Variants in EIF4G3 observed in about 807,000 individuals in gnomAD.
The protein encoded by EIF4G3 is eIF-4-gamma 3.
In EIF4G3, 34 loss-of-function variants were observed where a neutral mutation model predicts 186.4. The ratio of observed to expected loss-of-function variants is 0.18; its 90% CI spans 0.14 to 0.24. EIF4G3 has a LOEUF of 0.24. Among genes scored for constraint, EIF4G3 ranks in the 10% least tolerant of loss-of-function variants. The probability of loss-of-function intolerance (pLI) is 1.00; values close to 1 mark genes in which losing one functional copy is unlikely to be tolerated. For synonymous variants in EIF4G3, 673 were observed against 679.5 expected, an observed-to-expected ratio of 0.99 and a Z score of 0.15; for missense variants, 1,536 against 1,948.5, an observed-to-expected ratio of 0.79 and a Z score of 3.99.
At chr1:21,051,880 T>A (rs945799396) in intron 3 of EIF4G3, among the ~76,000 whole-genome samples, 2 of 152,000 alleles carry the variant, frequency 1.3e-5, no homozygotes, top group African/African-American at 2.4e-5. Context: ...TACAAAAAAA[T>A]TTTTAAAAAG....
intron 3 of EIF4G3, among the ~76,000 whole-genome samples, chr1:21,074,811 C>T (rs2095537204): frequency 6.6e-6 from 1 of 152,140 alleles, no homozygotes; most frequent in African/African-American, 2.4e-5. Context: ...TGGCTCATGC[C>T]TTTAATCCTA....
intron 4 of EIF4G3, among the ~76,000 whole-genome samples, chr1:21,025,290 A>G (rs2091898026): frequency 6.6e-6 from 1 of 152,214 alleles, no homozygotes; most frequent in Non-Finnish European, 1.5e-5. Flanking sequence ...GATGTTGAAC[A>G]GGGCAGAAAT....
chr1:21,092,362 G>A (rs565623477), intron 2 of EIF4G3, among the ~76,000 whole-genome samples: 14 of 152,242 alleles, frequency 9.2e-5, no homozygotes, highest in African/African-American at 3.4e-4. Flanking sequence ...CTGTGGATAA[G>A]CTTTTTGATG....
At chr1:20,815,600 G>A (rs1376771533) in intron 34 of EIF4G3, among the ~76,000 whole-genome samples, 2 of 151,782 alleles carry the variant, frequency 1.3e-5, no homozygotes, top group Non-Finnish European at 2.9e-5. Flanking sequence ...ACCCCGTCTG[G>A]GAAGTGAGGA....
chr1:20,943,972 T>TGTGTGTGTGTGTGTGTGTGTGTGTG (rs1558363073), intron 13 of EIF4G3, among the ~76,000 whole-genome samples: 3 of 44,842 alleles, frequency 6.7e-5, no homozygotes, highest in East Asian at 4.7e-4. Flanking sequence ...TCTTTATTTT[T>TGTGTGTGTGTGTGTGTGTGTGTGTG]TTTGTGTGTG....
chr1:20,882,816 ATGGTAGTTCATACC>A (rs918110932), intron 19 of EIF4G3, among the ~76,000 whole-genome samples: 1 of 151,686 alleles, frequency 6.6e-6, no homozygotes, highest in African/African-American at 2.4e-5. Flanking sequence ...AAGCCTGGGC[ATGGTAGTTCATACC>A]TGGAATCCCA....
chr1:21,143,174 G>A (rs1374164956), intron 2 of EIF4G3, among the ~76,000 whole-genome samples: 1 of 151,966 alleles, frequency 6.6e-6, no homozygotes, highest in Non-Finnish European at 1.5e-5. Flanking sequence ...ACTTGAACCT[G>A]GGAGGCAGAG....
chr1:21,156,647 T>G (rs1158367777), intron 2 of EIF4G3, among the ~76,000 whole-genome samples: 2 of 152,226 alleles, frequency 1.3e-5, no homozygotes, highest in African/African-American at 4.8e-5. Context: ...GAGTCAACTT[T>G]AACTCTTCTT....
chr1:20,828,038 T>C (rs1557812163), intron 31 of EIF4G3, among the ~76,000 whole-genome samples: 1 of 148,952 alleles, frequency 6.7e-6, no homozygotes, highest in Admixed American at 6.7e-5. Flanking sequence ...AGTTTTTTTT[T>C]TTTTTTTTTT....
At chr1:20,820,512 G>A (rs764859624) in intron 33 of EIF4G3, among the ~76,000 whole-genome samples, 52 of 152,204 alleles carry the variant, frequency 3.4e-4, no homozygotes, top group African/African-American at 1.1e-3. Context: ...GTCCTGGGTG[G>A]AAGGGGGCAG....
intron 2 of EIF4G3, among the ~76,000 whole-genome samples, chr1:21,108,746 T>C (rs918762103): frequency 2.0e-5 from 3 of 150,764 alleles, no homozygotes; most frequent in Non-Finnish European, 3.0e-5. Flanking sequence ...TCTACTAAAA[T>C]ACAAAAATTA....
At position 20,879,533 on chromosome 1, in the gene EIF4G3, C is replaced by CA; in HGVS notation, c.2425-14dup. On this transcript the variant is annotated splice_polypyrimidine_tract_variant and intron_variant, in intron 19 of 36. Coordinates refer to ENST00000602326, the MANE Select transcript of EIF4G3 (RefSeq NM_001391906.1). The stretch of plus-strand genomic sequence containing the variant: ...TTCTAAAAAGCTCCTAGAAGGGCCA[C>CA]AAAAAAGAAAAAAGCATTAGAGTAA... 2 of 1,377,434 alleles carry CA rather than the reference C, an allele frequency of 1.5e-6. No homozygotes were observed. Among genetic ancestry groups the CA allele is most frequent in the Non-Finnish European group, 9.5e-7 (1 of 1,055,138 alleles). The allele number at this position is 1,377,434 out of a possible 1,614,324, so 85.3% of individuals were successfully genotyped here.
rs12724067 is a variant in EIF4G3 at position 21,098,561 on chromosome 1, A to G, written c.-271-9348T>C. Among the ~76,000 whole-genome samples the G allele has an allele frequency of 2.0e-3, 144 of 72,558 alleles. 1 individual carries two copies. The highest frequency in any genetic ancestry group is 5.7e-3 in the South Asian group (13 of 2,290). The allele number at this position is 72,558 out of a possible 152,430, so 47.6% of individuals were successfully genotyped here. ...TCTCGAAAAAAAAAAAAAAAAAAAA[A>G]AAGAAGAAGAAGAAGAAGAAGAAAG... On this transcript the variant is annotated intron_variant, in intron 2 of 36. Transcript: ENST00000602326.
At chr1:20,856,005 A>G (rs192697695) in intron 25 of EIF4G3, among the ~76,000 whole-genome samples, 128 of 152,300 alleles carry the variant, frequency 8.4e-4, no homozygotes, top group Middle Eastern at 6.8e-3. Context: ...ATACCGACAC[A>G]TTTTTCAAAA....
intron 2 of EIF4G3, among the ~76,000 whole-genome samples, chr1:21,157,330 C>T (rs2097680180): frequency 6.6e-6 from 1 of 152,006 alleles, no homozygotes; most frequent in African/African-American, 2.4e-5. Flanking sequence ...TGATCTCGTA[C>T]CTCCATTTGA....
chr1:20,967,567 G>A (rs2074970608), intron 12 of EIF4G3, among the ~76,000 whole-genome samples: 1 of 152,002 alleles, frequency 6.6e-6, no homozygotes, highest in South Asian at 2.1e-4. Flanking sequence ...ATGTCCAGAT[G>A]GACATATATA....
At chr1:20,831,041 T>G (rs2065016102) in intron 30 of EIF4G3, among the ~76,000 whole-genome samples, 1 of 152,224 alleles carries the variant, frequency 6.6e-6, no homozygotes, top group Admixed American at 6.5e-5. Flanking sequence ...AGCTACATCA[T>G]ACCCTTGCCT....
Position 20,817,496 on chromosome 1 carries a change from C to T in EIF4G3, c.4411G>A (p.Ala1471Thr). Residue 1471 changes from alanine to threonine, a missense_variant, in exon 34 of 37, where the codon GCA (alanine) becomes ACA (threonine). By Grantham distance (58) the Ala-to-Thr change is moderately conservative. Coordinates refer to ENST00000602326, the MANE Select transcript of EIF4G3 (RefSeq NM_001391906.1). ...GCAGACAGTTCTTTCTTTGAAAGTG[C>T]TTCAGAGGAACAGGGACTGTCAGAC... ...IESDSPCSSEALSKKELSAEE... is the reference protein window; with the variant it reads ...IESDSPCSSETLSKKELSAEE... 1.2e-6 allele frequency: 2 copies of T among 1,606,708 alleles called. No individual in the cohort carries two copies. The highest frequency in any genetic ancestry group is 1.1e-5 in the South Asian group (1 of 90,046).
chr1:20,828,665 T>C (rs1256093361), intron 31 of EIF4G3, among the ~76,000 whole-genome samples: 1 of 152,218 alleles, frequency 6.6e-6, no homozygotes, highest in Admixed American at 6.5e-5. Context: ...ACCACCGGTC[T>C]ATATAACGTA....
Sources: gnomAD v4.1 joint callset for allele counts (sites outside exome capture counted in the v4.1 genomes callset) on GRCh38, gnomAD v4.1.1 for gene constraint, MANE v1.5 for transcripts, NCBI Gene and HGNC (gene_info 2026-07-23, HGNC 2026-07-21) for gene names.